The following ANK3 variants were observed in gnomAD, a reference collection of about 807,000 sequenced individuals.
ANK3 encodes the protein ankyrin-3.
Under a neutral mutation model 370.9 loss-of-function variants are expected in ANK3, and 57 were observed. The ratio of observed to expected loss-of-function variants is 0.15; its 90% CI spans 0.12 to 0.19. ANK3 has a LOEUF of 0.19. Among genes scored for constraint, ANK3 ranks in the 10% least tolerant of loss-of-function variants. ANK3 has a pLI of 1.00. For synonymous variants in ANK3, 1,929 were observed against 1,946.3 expected (o/e 0.99, Z 0.23); for missense variants, 4,439 against 5,302.1 (o/e 0.84, Z 5.06).
intron 1 of ANK3, among the ~76,000 whole-genome samples, chr10:60,662,230 T>G (rs566791270): frequency 6.6e-6 from 1 of 152,266 alleles, no homozygotes; most frequent in East Asian, 1.9e-4. Context: ...TGTCCTGCAA[T>G]GAGAAGAAAA....
intron 1 of ANK3, among the ~76,000 whole-genome samples, chr10:60,725,819 G>A (rs1254361294): frequency 6.6e-6 from 1 of 152,142 alleles, no homozygotes; most frequent in Non-Finnish European, 1.5e-5. Flanking sequence ...AAAGAAAGGA[G>A]ATAAGTGAAT....
At position 60,076,100 on chromosome 10, in the gene ANK3, A is replaced by G. The variant is rs1356905479; in HGVS notation, c.4781T>C (p.Val1594Ala). 1 of 1,614,190 alleles carries G rather than the reference A, an allele frequency of 6.2e-7. No homozygotes were observed. The highest frequency in any genetic ancestry group is 2.2e-5 in the East Asian group (1 of 44,886). ...AGCTCTAGCCAGGGTACCAGAGGAA[A>G]CTTGGATATTGTATGGAGATTGTGA... The part of the protein sequence containing the change: ...VVSQSPYNIQ[V>A]SSGTLARAPA... The change falls in exon 37 of 44, where the codon GTT becomes GCT. Residue 1594 changes from valine to alanine, a missense_variant. This residue lies in a region of ANK3 where 679 missense variants were observed against 791.0 expected (regional missense o/e 0.86). Transcript: ENST00000280772.
intron 2 of ANK3, among the ~76,000 whole-genome samples, chr10:60,557,752 CA>C (rs1235069169): frequency 6.6e-6 from 1 of 152,016 alleles, no homozygotes; most frequent in Non-Finnish European, 1.5e-5. Flanking sequence ...CAAAATGCCC[CA>C]GAGGGAAATT....
intron 1 of ANK3, among the ~76,000 whole-genome samples, chr10:60,385,822 G>C (rs1056213559): frequency 1.3e-5 from 2 of 152,094 alleles, no homozygotes; most frequent in African/African-American, 4.8e-5. Context: ...TTTTTGACAG[G>C]ACTTGGTAAA....
rs570863522 is a variant in ANK3 at position 60,465,635 on chromosome 10, G to T, written c.96+149551C>A. Among the ~76,000 whole-genome samples the T allele has an allele frequency of 4.6e-5, 7 of 152,248 alleles. No individual in the cohort carries two copies. The South Asian group carries it at 1.5e-3, about 32-fold the overall frequency. ...AAAGGCTAGGTCACTCTGCCACTGA[G>T]GCCAAACATTGCAGGATTCTTCCCT... On this transcript the variant is annotated intron_variant, in intron 2 of 43. Transcript: ENST00000373827.
chr10:60,650,941 CAAA>C (rs869126273), intron 1 of ANK3, among the ~76,000 whole-genome samples: 1 of 125,836 alleles, frequency 7.9e-6, no homozygotes, highest in African/African-American at 2.9e-5. Context: ...ACAACAACAA[CAAA>C]AAATAGCCAG....
chr10:60,467,836 T>C (rs2065044146), intron 2 of ANK3, among the ~76,000 whole-genome samples: 2 of 152,114 alleles, frequency 1.3e-5, no homozygotes, highest in Non-Finnish European at 2.9e-5. Context: ...AGACTGTTTA[T>C]GAATACATAA....
chr10:60,216,547 G>T (rs568725062), intron 8 of ANK3, among the ~76,000 whole-genome samples: 29 of 152,284 alleles, frequency 1.9e-4, no homozygotes, highest in Non-Finnish European at 3.8e-4. Flanking sequence ...CTTTGGTTCT[G>T]TTTATGTGAT....
At chr10:60,476,269 G>A (rs920623965) in intron 2 of ANK3, among the ~76,000 whole-genome samples, 1 of 152,202 alleles carries the variant, frequency 6.6e-6, no homozygotes, top group South Asian at 2.1e-4. Context: ...AAAGTTGAAG[G>A]AACAAAAGGA....
At chr10:60,482,587 A>G (rs1263566716) in intron 2 of ANK3, among the ~76,000 whole-genome samples, 3 of 152,138 alleles carry the variant, frequency 2.0e-5, no homozygotes, top group Admixed American at 6.6e-5. Context: ...TGTGAGCTCA[A>G]TAGATCCTCC....
chr10:60,166,912 C>T lies in ANK3; in HGVS notation c.2479-16G>A, dbSNP rs1209462726. Reference sequence around the variant, plus strand: ...CTGTGACAGTCTAGTAACAAAAAAGCAGTCATTTTAGTGTGAGCAGACTGT... The same window carrying T: ...CTGTGACAGTCTAGTAACAAAAAAGTAGTCATTTTAGTGTGAGCAGACTGT... On this transcript the variant is annotated splice_polypyrimidine_tract_variant and intron_variant, in intron 21 of 43. Transcript: ENST00000280772. 1.1e-5 allele frequency: 18 copies of T among 1,612,262 alleles called. No homozygotes were observed. Among genetic ancestry groups the T allele is most frequent in the Non-Finnish European group, 1.5e-5 (18 of 1,178,570 alleles).
At chr10:60,382,797 C>CTATATATATATA (rs5785442) in intron 1 of ANK3, among the ~76,000 whole-genome samples, 1,606 of 133,528 alleles carry the variant, frequency 0.012, 30 homozygotes, top group Non-Finnish European at 0.016. Flanking sequence ...ATACCTAAAT[C>CTATATATATATA]TATATATATA....
chr10:60,174,057 A>G (rs1037207124), intron 18 of ANK3, among the ~76,000 whole-genome samples: 9 of 152,196 alleles, frequency 5.9e-5, no homozygotes, highest in African/African-American at 2.2e-4. Context: ...TTTTATCACA[A>G]TATTTCTAAA....
chr10:60,105,301 C>T (rs991014612), intron 28 of ANK3, among the ~76,000 whole-genome samples: 2 of 151,980 alleles, frequency 1.3e-5, no homozygotes, highest in African/African-American at 4.8e-5. Context: ...AAAAATTGCT[C>T]TGGTTCTTAG....
chr10:60,407,980 CGAT>C (rs111575652), intron 2 of ANK3, among the ~76,000 whole-genome samples: 17,331 of 152,146 alleles, frequency 0.11, 1,045 homozygotes, highest in South Asian at 0.13. Flanking sequence ...AGTGGATAAC[CGAT>C]GATAACTTTT....
intron 7 of ANK3, among the ~76,000 whole-genome samples, chr10:60,236,651 C>A (rs2097338973): frequency 6.6e-6 from 1 of 152,146 alleles, no homozygotes; most frequent in Non-Finnish European, 1.5e-5. Context: ...GGTTTACAAC[C>A]TTTCCACAGA....
intron 1 of ANK3, among the ~76,000 whole-genome samples, chr10:60,635,873 C>T (rs1337368561): frequency 6.6e-6 from 1 of 152,046 alleles, no homozygotes; most frequent in Non-Finnish European, 1.5e-5. Context: ...AGACAAAGGC[C>T]AGGGATGTCC....
chr10:60,289,901 C>T lies in ANK3; in HGVS notation c.115-10262G>A, dbSNP rs535334911. ...AGTCTAATGACTTGAAAGGCCCATTCTTCTGTGTTTAAGGCTTTCGTGTGG... is the reference window on the plus strand; with the variant it reads ...AGTCTAATGACTTGAAAGGCCCATTTTTCTGTGTTTAAGGCTTTCGTGTGG... On this transcript the variant is annotated intron_variant, in intron 1 of 43. Coordinates refer to ENST00000280772, the MANE Select transcript of ANK3 (RefSeq NM_020987.5). Among the ~76,000 whole-genome samples, 32 of 152,298 alleles carry T rather than the reference C, an allele frequency of 2.1e-4. No homozygotes were observed. The East Asian group carries it at 6.0e-3, about 28-fold the overall frequency.
Position 60,645,506 on chromosome 10 carries a change from G to A in ANK3, c.58-30282C>T, listed in dbSNP as rs555271336. ...TTGGGAGGCTGAAACTGGGTGGATCGCTTGAGGTCAGGAGTTCGAGACTAG... is the reference window on the plus strand; with the variant it reads ...TTGGGAGGCTGAAACTGGGTGGATCACTTGAGGTCAGGAGTTCGAGACTAG... On this transcript the variant is annotated intron_variant, in intron 1 of 43. Coordinates refer to the ANK3 transcript ENST00000373827. Among the ~76,000 whole-genome samples, 8 of 152,134 alleles carry A rather than the reference G, an allele frequency of 5.3e-5. No homozygotes were observed. In the South Asian group the frequency reaches 1.5e-3, roughly 28 times the overall value.
Sources: gnomAD v4.1 joint callset for allele counts (sites outside exome capture counted in the v4.1 genomes callset) on GRCh38, gnomAD v4.1.1 for gene constraint, gnomAD v4.1.1 regional missense constraint, MANE v1.5 for transcripts, NCBI Gene and HGNC (gene_info 2026-07-23, HGNC 2026-07-21) for gene names.